SRRM3: variants seen among roughly 807,000 people sequenced by gnomAD.
SRRM3 encodes serine/arginine repetitive matrix 3.
SRRM3 carries 27 observed loss-of-function variants against 66.2 expected under a neutral mutation model. The ratio of observed to expected loss-of-function variants is 0.41; its 90% CI spans 0.30 to 0.56. The LOEUF (loss-of-function observed/expected upper bound fraction) is 0.56, where lower values mean the gene tolerates loss of function less well. Among genes scored for constraint, SRRM3 ranks in the 20% least tolerant of loss-of-function variants. SRRM3 has a pLI of 0.32. For missense variants in SRRM3, 918 were observed against 991.9 expected (o/e 0.93, Z 1.00); for synonymous variants, 391 against 414.9 (o/e 0.94, Z 0.70).
chr7:76,217,879 G>A (rs1244362382), intron 1 of SRRM3, among the ~76,000 whole-genome samples: 1 of 152,158 alleles, frequency 6.6e-6, no homozygotes, highest in Admixed American at 6.5e-5. Context: ...TGGTTAGGTA[G>A]GATGTTTCTC....
At chr7:76,263,354 G>A (rs1649985421) in intron 8 of SRRM3, among the ~76,000 whole-genome samples, 1 of 152,212 alleles carries the variant, frequency 6.6e-6, no homozygotes, top group South Asian at 2.1e-4. Context: ...CAGAAGGACT[G>A]AAGGGATCTG....
chr7:76,215,954 C>T (rs1274894404), intron 1 of SRRM3, among the ~76,000 whole-genome samples: 9 of 150,718 alleles, frequency 6.0e-5, no homozygotes, highest in South Asian at 2.1e-4. Flanking sequence ...CCCACCACCA[C>T]GCCCAGCTAA....
chr7:76,233,791 G>A (rs1165403398), intron 1 of SRRM3, among the ~76,000 whole-genome samples: 2 of 152,100 alleles, frequency 1.3e-5, no homozygotes, highest in East Asian at 3.9e-4. Context: ...CATGCACTTG[G>A]GACTCAGGGG....
chr7:76,285,475 T>C lies in SRRM3; in HGVS notation c.1734-140T>C, dbSNP rs1264892591. ...CAACATGGAATTTGCAAGTAACCAA[T>C]GACCGTCAGATTCCATTTGGAGAAG... On this transcript the variant is annotated intron_variant, in intron 14 of 14. Transcript: ENST00000611745. This position sits in a 1 kb window ranked among gnomAD's most constrained non-coding sequence, Gnocchi z 4.1. 1 of 663,278 alleles carries C rather than the reference T, an allele frequency of 1.5e-6. No individual in the cohort carries two copies. Among genetic ancestry groups the C allele is most frequent in the African/African-American group, 1.8e-5 (1 of 54,624 alleles). The allele number at this position is 663,278 out of a possible 1,614,324, so 41.1% of individuals were successfully genotyped here. A position where few individuals can be genotyped will look rare whatever the true frequency, so the allele number is the denominator to read the frequency against.
intron 11 of SRRM3, among the ~76,000 whole-genome samples, chr7:76,272,671 C>CA (rs1371854782): frequency 4.6e-5 from 7 of 151,994 alleles, no homozygotes; most frequent in Non-Finnish European, 1.0e-4. Flanking sequence ...CCCCAAAAAA[C>CA]AAAAAACCCT....
At chr7:76,238,355 A>G (rs988849167) in intron 2 of SRRM3, among the ~76,000 whole-genome samples, 4 of 152,030 alleles carry the variant, frequency 2.6e-5, no homozygotes, top group African/African-American at 7.2e-5. Context: ...TTCTAGAAAC[A>G]CTGGTTCAGT....
At position 76,285,563 on chromosome 7, in the gene SRRM3, G is replaced by A; in HGVS notation, c.1734-52G>A. 1 of 1,472,338 alleles carries A rather than the reference G, an allele frequency of 6.8e-7. No individual in the cohort carries two copies. Among genetic ancestry groups the A allele is most frequent in the Non-Finnish European group, 9.2e-7 (1 of 1,085,956 alleles). 91.2% of individuals were successfully genotyped at this position (1,472,338 alleles called of 1,614,324 possible). ...GGCAGGAAGCCCTGGCCGCTGCTGG[G>A]ATGGGGCTCGGGGCCTGGGATGGCC... On this transcript the variant is annotated intron_variant, in intron 14 of 14. Transcript: ENST00000611745. The surrounding 1 kb of genome is among the most constrained non-coding windows in gnomAD (Gnocchi z 4.1).
chr7:76,249,085 G>A (rs1244094298), intron 3 of SRRM3, among the ~76,000 whole-genome samples: 1 of 152,050 alleles, frequency 6.6e-6, no homozygotes, highest in Non-Finnish European at 1.5e-5. Flanking sequence ...CAATGGCTTG[G>A]TGGCTAAAGA....
At chr7:76,206,389 G>A (rs527956983) in intron 1 of SRRM3, among the ~76,000 whole-genome samples, 12 of 152,238 alleles carry the variant, frequency 7.9e-5, no homozygotes, top group African/African-American at 2.6e-4. Context: ...GAGAGAGAGA[G>A]CAGGAGGAGT....
intron 11 of SRRM3, among the ~76,000 whole-genome samples, chr7:76,278,571 C>T (rs1269230082): frequency 2.0e-5 from 3 of 151,980 alleles, no homozygotes; most frequent in African/African-American, 7.3e-5. Flanking sequence ...AGCTTGTGAT[C>T]AGGAGAGTCA....
At chr7:76,264,307 T>C (rs1801957127) in intron 8 of SRRM3, among the ~76,000 whole-genome samples, 1 of 151,800 alleles carries the variant, frequency 6.6e-6, no homozygotes, top group Non-Finnish European at 1.5e-5. Context: ...GCTGGGATTA[T>C]AGGCACACAC....
intron 3 of SRRM3, among the ~76,000 whole-genome samples, chr7:76,248,905 G>A (rs782154227): frequency 7.9e-5 from 12 of 152,132 alleles, no homozygotes; most frequent in Admixed American, 1.3e-4. Flanking sequence ...GCTTGAACCC[G>A]GAAGGCAGAG....
chr7:76,281,817 C>A lies in SRRM3; in HGVS notation c.1370+15C>A. The A allele has an allele frequency of 7.4e-7, 1 of 1,348,040 alleles. No homozygotes were observed. The highest frequency in any genetic ancestry group is 9.5e-7 in the Non-Finnish European group (1 of 1,050,960). 83.5% of individuals were successfully genotyped at this position (1,348,040 alleles called of 1,614,324 possible). A position where few individuals can be genotyped will look rare whatever the true frequency, so the allele number is the denominator to read the frequency against. ...CACGGGAAACGGTGAGCGTGCTGGA[C>A]CCGGAGCTGGACTCCCGCCCCCACC... On this transcript the variant is annotated intron_variant, in intron 12 of 14. Transcript: ENST00000611745.
intron 1 of SRRM3, among the ~76,000 whole-genome samples, chr7:76,227,503 T>C (rs1800904484): frequency 6.6e-6 from 1 of 152,174 alleles, no homozygotes; most frequent in South Asian, 2.1e-4. Context: ...TTGGCCCATT[T>C]ATTTCTTGAA....
At chr7:76,271,168 G>A (rs1009690910) in intron 11 of SRRM3, among the ~76,000 whole-genome samples, 1 of 150,908 alleles carries the variant, frequency 6.6e-6, no homozygotes, top group East Asian at 2.0e-4. Flanking sequence ...TTTAGAGGTA[G>A]ATCCAAAAGT....
intron 11 of SRRM3, chr7:76,268,024 C>G (rs1378210201): frequency 1.3e-5 from 2 of 151,104 alleles, no homozygotes; most frequent in African/African-American, 4.9e-5. Flanking sequence ...AGACTCTGCC[C>G]TTTTCCAGGC....
At chr7:76,259,261 G>A (rs1801795101) in intron 3 of SRRM3, among the ~76,000 whole-genome samples, 1 of 151,854 alleles carries the variant, frequency 6.6e-6, no homozygotes, top group African/African-American at 2.4e-5. Context: ...TGAAGAAGAG[G>A]AGCCTCATCT....
chr7:76,246,966 C>T (rs1448321918), intron 2 of SRRM3, among the ~76,000 whole-genome samples: 1 of 152,198 alleles, frequency 6.6e-6, no homozygotes, highest in African/African-American at 2.4e-5. Flanking sequence ...ACCTGCCTTT[C>T]GAAGTTGCCA....
In SRRM3 at chr7:76,260,860, G is replaced by A; in HGVS notation, c.546-14G>A. Reference sequence around the variant, plus strand: ...TCCATCCGTCTGTCCTTTCTTCCTGGCATCTGCCCTCAGCAAAAAGAGGAG... The same window carrying A: ...TCCATCCGTCTGTCCTTTCTTCCTGACATCTGCCCTCAGCAAAAAGAGGAG... On this transcript the variant is annotated splice_polypyrimidine_tract_variant and intron_variant, in intron 5 of 14. Coordinates refer to ENST00000611745, the MANE Select transcript of SRRM3 (RefSeq NM_001110199.3). The A allele has an allele frequency of 6.4e-7, 1 of 1,557,690 alleles. No homozygotes were observed. The highest frequency in any genetic ancestry group is 8.7e-7 in the Non-Finnish European group (1 of 1,150,266).
Sources: allele counts gnomAD v4.1 joint callset (sites outside exome capture counted in the v4.1 genomes callset), GRCh38; gene constraint gnomAD v4.1.1; non-coding constraint Gnocchi (gnomAD v3.1); transcripts MANE v1.5; gene names NCBI Gene and HGNC (gene_info 2026-07-23, HGNC 2026-07-21).